The following GSE1 variants were observed in gnomAD, a reference collection of about 807,000 sequenced individuals.
The protein encoded by GSE1 is Gse1 coiled-coil protein.
A neutral mutation model predicts 112.6 loss-of-function variants in GSE1; 32 were observed. That is an observed-to-expected ratio of 0.28 (90% CI 0.21 to 0.38). The LOEUF (loss-of-function observed/expected upper bound fraction) is 0.38, where lower values mean the gene tolerates loss of function less well. Ranked by LOEUF, GSE1 falls within the 10% of genes least tolerant of loss-of-function variation. The probability of loss-of-function intolerance (pLI) is 1.00; values close to 1 mark genes in which losing one functional copy is unlikely to be tolerated. For synonymous variants in GSE1, 1,115 were observed against 735.6 expected, an observed-to-expected ratio of 1.52 and a Z score of -8.35; for missense variants, 2,348 against 1,699.2, an observed-to-expected ratio of 1.38 and a Z score of -6.71.
upstream of GSE1, chr16:85,611,349 G>A (rs1197040824): frequency 2.7e-6 from 1 of 365,924 alleles, no homozygotes; most frequent in Admixed American, 6.6e-5. Flanking sequence ...GGCCGCCTGG[G>A]GCCGGGTGAA....
At chr16:85,176,400 C>T (rs778676865) in intron 1 of GSE1, among the ~76,000 whole-genome samples, 9 of 152,258 alleles carry the variant, frequency 5.9e-5, no homozygotes, top group Admixed American at 1.3e-4. Context: ...GGCCCTGAGA[C>T]GCCCCACTTG....
chr16:85,612,389 G>A (rs545371967), upstream of GSE1, among the ~76,000 whole-genome samples: 132 of 152,234 alleles, frequency 8.7e-4, 2 homozygotes, highest in African/African-American at 3.1e-3. Flanking sequence ...GAGGTAGGGT[G>A]GGGGGTGCCA....
chr16:85,592,849 T>G (rs2047057697), intron 1 of GSE1: 1 of 152,402 alleles, frequency 6.6e-6, no homozygotes, highest in Non-Finnish European at 1.5e-5. Flanking sequence ...CTTAACTGGA[T>G]GAGTCACCCT....
intron 1 of GSE1, among the ~76,000 whole-genome samples, chr16:85,625,255 G>C (rs183869778): frequency 1.3e-5 from 2 of 152,212 alleles, no homozygotes; most frequent in African/African-American, 4.8e-5. Flanking sequence ...CAGCCGCTTA[G>C]GATAATCGCG....
At chr16:85,442,940 G>T (rs1371976587) in intron 2 of GSE1, among the ~76,000 whole-genome samples, 1 of 152,210 alleles carries the variant, frequency 6.6e-6, no homozygotes, top group African/African-American at 2.4e-5. Flanking sequence ...GACCCGTGGT[G>T]TCCCGCAGCT....
chr16:85,543,290 G>T (rs1300811071), intron 2 of GSE1, among the ~76,000 whole-genome samples: 1 of 152,136 alleles, frequency 6.6e-6, no homozygotes, highest in Non-Finnish European at 1.5e-5. Flanking sequence ...CTAGGAGATG[G>T]ACCCAACCGG....
At chr16:85,471,741 G>A (rs963514606) in intron 2 of GSE1, among the ~76,000 whole-genome samples, 1 of 151,650 alleles carries the variant, frequency 6.6e-6, no homozygotes, top group African/African-American at 2.4e-5. Context: ...CGATGATCTC[G>A]CTCTGTTGCC....
At chr16:85,424,037 C>G (rs748360498) in intron 2 of GSE1, among the ~76,000 whole-genome samples, 1 of 152,268 alleles carries the variant, frequency 6.6e-6, no homozygotes, top group Non-Finnish European at 1.5e-5. Flanking sequence ...AGGCCAGAGC[C>G]TCCTCCATCC....
At chr16:85,608,853 C>T (rs1445267021), upstream of GSE1, among the ~76,000 whole-genome samples, 2 of 152,312 alleles carry the variant, frequency 1.3e-5, no homozygotes, top group African/African-American at 2.4e-5. Flanking sequence ...CGGATCCAGG[C>T]GCTGAACAAG....
intron 2 of GSE1, among the ~76,000 whole-genome samples, chr16:85,543,298 C>T (rs1160121923): frequency 6.6e-6 from 1 of 152,072 alleles, no homozygotes; most frequent in Non-Finnish European, 1.5e-5. Context: ...TGGACCCAAC[C>T]GGACATAGCC....
At chr16:85,653,314 T>G (rs1484900827) in intron 3 of GSE1, among the ~76,000 whole-genome samples, 1 of 29,342 alleles carries the variant, frequency 3.4e-5, no homozygotes, top group Non-Finnish European at 6.9e-5. Context: ...TACCCCCTCC[T>G]CCTCCTCCTC....
intron 2 of GSE1, among the ~76,000 whole-genome samples, chr16:85,405,020 A>AG (rs1451777749): frequency 3.9e-5 from 1 of 25,960 alleles, no homozygotes; most frequent in Non-Finnish European, 6.1e-5. Flanking sequence ...TGTTACACTC[A>AG]GGCCCCCCGG....
chr16:85,388,604 TTGGA>T (rs1207740179), intron 2 of GSE1, among the ~76,000 whole-genome samples: 100 of 103,856 alleles, frequency 9.6e-4, no homozygotes, highest in African/African-American at 3.4e-3. Flanking sequence ...GGATGGATGG[TTGGA>T]TGGATGGATG....
intron 1 of GSE1, among the ~76,000 whole-genome samples, chr16:85,348,034 C>T (rs1190575436): frequency 2.0e-5 from 3 of 152,080 alleles, no homozygotes; most frequent in East Asian, 1.9e-4. Context: ...GGACTTCTTG[C>T]GCTAAGTTGG....
chr16:85,182,492 C>G (rs1314872006), intron 1 of GSE1, among the ~76,000 whole-genome samples: 1 of 152,222 alleles, frequency 6.6e-6, no homozygotes, highest in East Asian at 1.9e-4. Context: ...CAACCTCTTT[C>G]TCTTCCGGAA....
intron 2 of GSE1, among the ~76,000 whole-genome samples, chr16:85,390,229 C>T (rs1371914736): frequency 6.6e-6 from 1 of 152,192 alleles, no homozygotes; most frequent in Admixed American, 6.5e-5. Context: ...CTCCAAAATA[C>T]TCACGGCCTG....
intron 2 of GSE1, among the ~76,000 whole-genome samples, chr16:85,386,678 C>G (rs1016438048): frequency 6.6e-6 from 1 of 152,196 alleles, no homozygotes; most frequent in Non-Finnish European, 1.5e-5. Context: ...CACGATTGTG[C>G]GTGAAACGCC....
intron 2 of GSE1, among the ~76,000 whole-genome samples, chr16:85,510,103 G>A (rs959901983): frequency 6.6e-6 from 1 of 152,212 alleles, no homozygotes; most frequent in African/African-American, 2.4e-5. Flanking sequence ...GCCACCATCA[G>A]ATGTACCCGC....
chr16:85,494,475 CAG>C (rs2051107324), intron 2 of GSE1, among the ~76,000 whole-genome samples: 1 of 143,114 alleles, frequency 7.0e-6, no homozygotes, highest in Non-Finnish European at 1.5e-5. Context: ...TTTTCCAAGA[CAG>C]GGTCTCACTC....
Sources: gnomAD v4.1 joint callset for allele counts (sites outside exome capture counted in the v4.1 genomes callset) on GRCh38, gnomAD v4.1.1 for gene constraint, MANE v1.5 for transcripts, NCBI Gene and HGNC (gene_info 2026-07-23, HGNC 2026-07-21) for gene names.